UBE2G1: variants seen among roughly 807,000 people sequenced by gnomAD.
UBE2G1 encodes ubiquitin conjugating enzyme E2 G1, also known as ubiquitin-conjugating enzyme E2 G1.
Under a neutral mutation model 22.7 loss-of-function variants are expected in UBE2G1, and 5 were observed. The ratio of observed to expected loss-of-function variants is 0.22; its 90% CI spans 0.12 to 0.46. UBE2G1 has a LOEUF of 0.46. Among genes scored for constraint, UBE2G1 ranks in the 20% least tolerant of loss-of-function variants. The pLI, the probability that UBE2G1 is intolerant of heterozygous loss-of-function variation, is 0.99. For missense variants in UBE2G1, 88 were observed against 203.9 expected (o/e 0.43, Z 3.46); for synonymous variants, 74 against 67.5 (o/e 1.10, Z -0.47).
At chr17:4,298,619 A>G (rs1969138094) in intron 2 of UBE2G1, among the ~76,000 whole-genome samples, 1 of 152,220 alleles carries the variant, frequency 6.6e-6, no homozygotes, top group African/African-American at 2.4e-5. Context: ...CTCAGAGTAT[A>G]AAGTCAGTGA....
chr17:4,354,533 ACT>A (rs1454425804), intron 1 of UBE2G1, among the ~76,000 whole-genome samples: 4 of 152,152 alleles, frequency 2.6e-5, no homozygotes, highest in African/African-American at 9.6e-5. Flanking sequence ...AAAAAAATAA[ACT>A]CTGAGAAGGC....
chr17:4,324,849 G>C (rs1008144110), intron 1 of UBE2G1, among the ~76,000 whole-genome samples: 1 of 152,012 alleles, frequency 6.6e-6, no homozygotes, highest in Non-Finnish European at 1.5e-5. Flanking sequence ...AGGCCAAGAT[G>C]GGCGGATCAC....
intron 2 of UBE2G1, chr17:4,302,770 A>C (rs1969200092): frequency 5.3e-6 from 1 of 187,650 alleles, no homozygotes; most frequent in East Asian, 1.6e-4. Flanking sequence ...ATTTTTAAAA[A>C]TTTAGAGTTT....
At chr17:4,279,785 T>TTTTATATATATATATA (rs1334257201) in intron 5 of UBE2G1, among the ~76,000 whole-genome samples, 1 of 68,902 alleles carries the variant, frequency 1.5e-5, no homozygotes, top group African/African-American at 4.3e-5. Flanking sequence ...CAAAAAAAAG[T>TTTTATATATATATATA]TATATATATA....
At chr17:4,329,526 C>T (rs1272527843) in intron 1 of UBE2G1, among the ~76,000 whole-genome samples, 2 of 151,890 alleles carry the variant, frequency 1.3e-5, no homozygotes, top group African/African-American at 2.4e-5. Flanking sequence ...CCACTGCACT[C>T]CAGCCTGGGT....
intron 5 of UBE2G1, among the ~76,000 whole-genome samples, chr17:4,272,902 A>T (rs553316359): frequency 6.6e-6 from 1 of 152,346 alleles, no homozygotes; most frequent in African/African-American, 2.4e-5. Context: ...TAAATCTAGA[A>T]TCCATAAGAG....
At chr17:4,364,660 A>C (rs1386887719) in intron 1 of UBE2G1, among the ~76,000 whole-genome samples, 3 of 149,592 alleles carry the variant, frequency 2.0e-5, no homozygotes, top group Admixed American at 1.3e-4. Context: ...AGCTCACTGC[A>C]ACGATGCCTC....
At chr17:4,317,943 T>C (rs1267739072) in intron 1 of UBE2G1, among the ~76,000 whole-genome samples, 1 of 152,236 alleles carries the variant, frequency 6.6e-6, no homozygotes, top group Non-Finnish European at 1.5e-5. Flanking sequence ...TCTCGCCTAT[T>C]TTATAGAAAT....
intron 1 of UBE2G1, among the ~76,000 whole-genome samples, chr17:4,314,372 T>G (rs1041557840): frequency 1.3e-5 from 2 of 152,168 alleles, no homozygotes; most frequent in African/African-American, 4.8e-5. Context: ...GTCAATAAAG[T>G]TAGTAACAAC....
intron 1 of UBE2G1, among the ~76,000 whole-genome samples, chr17:4,311,860 G>T (rs1479967363): frequency 6.6e-6 from 1 of 152,202 alleles, no homozygotes; most frequent in African/African-American, 2.4e-5. Flanking sequence ...ACTGAAATGA[G>T]AAACATAGGA....
rs555008942 is a variant in UBE2G1, at chr17:4,345,130, G to A, written c.46+21141C>T. 2.4e-4 allele frequency among the ~76,000 whole-genome samples: 37 copies of A among 152,234 alleles called. No individual in the cohort carries two copies. In the South Asian group the frequency reaches 6.4e-3, roughly 26 times the overall value. On this transcript the variant is annotated intron_variant, in intron 1 of 5. Coordinates refer to ENST00000396981, the MANE Select transcript of UBE2G1 (RefSeq NM_003342.5). Reference sequence around the variant, plus strand: ...GACAAGCAGAGTGACAGCACCAAATGGGCAGCCAGAAATACAAGGAAGTCC... The same window carrying A: ...GACAAGCAGAGTGACAGCACCAAATAGGCAGCCAGAAATACAAGGAAGTCC...
chr17:4,313,603 T>C (rs535482658), intron 1 of UBE2G1, among the ~76,000 whole-genome samples: 1 of 152,240 alleles, frequency 6.6e-6, no homozygotes, highest in African/African-American at 2.4e-5. Context: ...ACCAACAGTA[T>C]TACAAATCAG....
chr17:4,356,258 T>G lies in UBE2G1; in HGVS notation c.46+10013A>C, dbSNP rs750588175. Among the ~76,000 whole-genome samples, 63 of 151,648 alleles carry G rather than the reference T, an allele frequency of 4.2e-4. 1 individual carries two copies. Among genetic ancestry groups the G allele is most frequent in the Non-Finnish European group, 8.1e-4 (55 of 67,910 alleles). On this transcript the variant is annotated intron_variant, in intron 1 of 5. Transcript: ENST00000396981. ...CTGTAACCCCAGCTACTCGGGAGGCTGAGGCAGGAGAATCGCTTGAACCCA... is the reference window on the plus strand; with the variant it reads ...CTGTAACCCCAGCTACTCGGGAGGCGGAGGCAGGAGAATCGCTTGAACCCA...
intron 1 of UBE2G1, among the ~76,000 whole-genome samples, chr17:4,340,817 AGGCT>A (rs1969702666): frequency 2.7e-5 from 4 of 150,646 alleles, no homozygotes; most frequent in Non-Finnish European, 5.9e-5. Flanking sequence ...AATGTTGACC[AGGCT>A]GGTCTTGAAC....
intron 1 of UBE2G1, among the ~76,000 whole-genome samples, chr17:4,322,033 A>G (rs890220914): frequency 2.0e-5 from 3 of 152,234 alleles, no homozygotes; most frequent in African/African-American, 7.2e-5. Flanking sequence ...ACATTTTGAA[A>G]TGCAACAATC....
rs946752565 is a variant in UBE2G1, at chr17:4,366,494, C to G, written c.-178G>C. ...GCCTCGCTGCCGGTGCGAGTCCGCTCGCTTCAGCTCTTTTCACAGCGACTC... is the reference window on the plus strand; with the variant it reads ...GCCTCGCTGCCGGTGCGAGTCCGCTGGCTTCAGCTCTTTTCACAGCGACTC... On this transcript the variant is annotated 5_prime_UTR_variant, in exon 1 of 6. Coordinates refer to ENST00000396981, the MANE Select transcript of UBE2G1 (RefSeq NM_003342.5). 1 of 508,666 alleles carries G rather than the reference C, an allele frequency of 2.0e-6. No homozygotes were observed. The highest frequency in any genetic ancestry group is 3.2e-6 in the Non-Finnish European group (1 of 312,344). The allele number at this position is 508,666 out of a possible 1,614,324, so 31.5% of individuals were successfully genotyped here. A position where few individuals can be genotyped will look rare whatever the true frequency, so the allele number is the denominator to read the frequency against.
chr17:4,323,443 G>A (rs907620859), intron 1 of UBE2G1, among the ~76,000 whole-genome samples: 3 of 152,140 alleles, frequency 2.0e-5, no homozygotes, highest in South Asian at 2.1e-4. Context: ...GAAGGCATAC[G>A]AATTCATCAA....
chr17:4,346,084 A>G (rs911000367), intron 1 of UBE2G1, among the ~76,000 whole-genome samples: 2 of 152,248 alleles, frequency 1.3e-5, no homozygotes, highest in Admixed American at 6.5e-5. Flanking sequence ...CTTCCTCTTT[A>G]TAAAAATGAC....
chr17:4,336,339 GAAGTTA>G (rs1969645565), intron 1 of UBE2G1, among the ~76,000 whole-genome samples: 1 of 152,020 alleles, frequency 6.6e-6, no homozygotes, highest in Non-Finnish European at 1.5e-5. Context: ...GAGACTTTGA[GAAGTTA>G]AAGTAAAAGG....
Sources: allele counts gnomAD v4.1 joint callset (sites outside exome capture counted in the v4.1 genomes callset), GRCh38; gene constraint gnomAD v4.1.1; transcripts MANE v1.5; gene names NCBI Gene and HGNC (gene_info 2026-07-23, HGNC 2026-07-21).